Variants in NUP153 observed in about 807,000 individuals in gnomAD.
NUP153 encodes nuclear pore complex protein Nup153.
A neutral mutation model predicts 134.6 loss-of-function variants in NUP153; 27 were observed. The ratio of observed to expected loss-of-function variants is 0.20; its 90% confidence interval spans 0.15 to 0.28. NUP153 has a LOEUF of 0.28. NUP153 is among the 10% of genes least tolerant of loss of function. The pLI is 1.00. For missense variants in NUP153, 1,821 were observed against 1,731.3 expected, an observed-to-expected ratio of 1.05 and a Z score of -0.92; for synonymous variants, 640 against 623.5, an observed-to-expected ratio of 1.03 and a Z score of -0.40.
rs948304898 is a variant in NUP153 at position 17,706,043 on chromosome 6, CAG to C, written c.111+232_111+233del. 1.1e-4 allele frequency among the ~76,000 whole-genome samples: 16 copies of C among 152,324 alleles called. No individual in the cohort carries two copies. The highest frequency in any genetic ancestry group is 3.6e-4 in the African/African-American group (15 of 41,578). On this transcript the variant is annotated intron_variant, in intron 1 of 21. Transcript: ENST00000262077. The surrounding 1 kb of genome is among the most constrained non-coding windows in gnomAD (Gnocchi z 5.9). The stretch of plus-strand genomic sequence containing the variant: ...AGCCTGCCTGGGAAAGCCCCTGACC[CAG>C]AGAGTTGGGGGAAAGGCGGCCCAAA...
Position 17,681,205 on chromosome 6 carries a change from C to CA in NUP153, c.335-5436dup, listed in dbSNP as rs1224240141. ...AACTATCACATGTTCTCAAATGTGACAGCTTTAAAAAAAAAAAACGGACTC... is the reference window on the plus strand; with the variant it reads ...AACTATCACATGTTCTCAAATGTGACAAGCTTTAAAAAAAAAAAACGGACTC... On this transcript the variant is annotated intron_variant, in intron 2 of 21. Coordinates refer to ENST00000262077, the MANE Select transcript of NUP153 (RefSeq NM_005124.4). Among the ~76,000 whole-genome samples, 3 of 140,128 alleles carry CA rather than the reference C, an allele frequency of 2.1e-5. 1 individual carries two copies. In the East Asian group the frequency reaches 6.4e-4, roughly 30 times the overall value. The allele number at this position is 140,128 out of a possible 152,430, so 91.9% of individuals were successfully genotyped here. A position where few individuals can be genotyped will look rare whatever the true frequency, so the allele number is the denominator to read the frequency against.
At chr6:17,623,109 G>A in intron 20 of NUP153, among the ~76,000 whole-genome samples, 1 of 144,748 alleles carries the variant, frequency 6.9e-6, no homozygotes, top group Non-Finnish European at 1.5e-5. Context: ...CAGCATGGGC[G>A]ACACAGTGAG....
In NUP153 at chr6:17,628,610, TAAA is replaced by T; in HGVS notation, c.3544+42_3544+44del. On this transcript the variant is annotated intron_variant, in intron 18 of 21. Transcript: ENST00000262077. The surrounding 1 kb of genome is among the most constrained non-coding windows in gnomAD (Gnocchi z 5.4). ...AGGCAACTTGTAAAACGACAACTTG[TAAA>T]AAAAAAAATAATAATAATAATAATA... The T allele has an allele frequency of 2.1e-6, 2 of 932,464 alleles. No individual in the cohort carries two copies. Among genetic ancestry groups the T allele is most frequent in the Non-Finnish European group, 2.7e-6 (2 of 733,474 alleles). 57.8% of individuals were successfully genotyped at this position (932,464 alleles called of 1,614,324 possible). A position where few individuals can be genotyped will look rare whatever the true frequency, so the allele number is the denominator to read the frequency against.
At chr6:17,630,959 T>G (rs1391204897) in intron 17 of NUP153, among the ~76,000 whole-genome samples, 1 of 152,118 alleles carries the variant, frequency 6.6e-6, no homozygotes, top group Non-Finnish European at 1.5e-5. Context: ...CTAAGATACT[T>G]AAAAGTATGG....
At chr6:17,673,034 TAC>T (rs1185436569) in intron 5 of NUP153, among the ~76,000 whole-genome samples, 3 of 151,892 alleles carry the variant, frequency 2.0e-5, no homozygotes, top group Non-Finnish European at 4.4e-5. Context: ...CCATTAAGAA[TAC>T]ACACACACGC....
chr6:17,632,105 C>A (rs1270963675), intron 17 of NUP153, among the ~76,000 whole-genome samples: 1 of 152,072 alleles, frequency 6.6e-6, no homozygotes, highest in Non-Finnish European at 1.5e-5. Context: ...CAGCCTGTAT[C>A]GCTTTTAATT....
chr6:17,656,105 T>A (rs1214752432), intron 11 of NUP153, among the ~76,000 whole-genome samples: 1 of 150,648 alleles, frequency 6.6e-6, no homozygotes, highest in South Asian at 2.1e-4. Context: ...CTCAGGAGGC[T>A]GAGGCAGGAG....
chr6:17,688,495 G>T lies in NUP153; in HGVS notation c.235C>A (p.Pro79Thr). 6.2e-7 allele frequency: 1 copy of T among 1,613,974 alleles called. No individual in the cohort carries two copies. Residue 79 changes from proline to threonine, a missense_variant, in exon 2 of 22, where the codon CCA becomes ACA. Physicochemically the swap from Pro to Thr is conservative, Grantham distance 38 (BLOSUM62 -1). Coordinates refer to ENST00000262077, the MANE Select transcript of NUP153 (RefSeq NM_005124.4). ...STDTSEVPRWPENKEDHLVYA... is the reference protein window; with the variant it reads ...STDTSEVPRWTENKEDHLVYA... ...ACCAGATGGTCCTCTTTATTTTCTG[G>T]CCAGCGTGGAACCTCGCTTGTGTCT...
chr6:17,632,891 A>T, intron 16 of NUP153, 47 bp from the exon 17 acceptor site: 2 of 1,442,560 alleles, frequency 1.4e-6, no homozygotes, highest in Non-Finnish European at 1.8e-6. Context: ...TTTCATGAAA[A>T]TTTTAATTTA....
At position 17,628,285 on chromosome 6, in the gene NUP153, C is replaced by T. The variant is rs1291705290; in HGVS notation, c.3544+370G>A. 6.6e-6 allele frequency among the ~76,000 whole-genome samples: 1 copy of T among 152,040 alleles called. No homozygotes were observed. The highest frequency in any genetic ancestry group is 2.4e-5 in the African/African-American group (1 of 41,372). On this transcript the variant is annotated intron_variant, in intron 18 of 21. Transcript: ENST00000262077. This position sits in a 1 kb window ranked among gnomAD's most constrained non-coding sequence, Gnocchi z 5.4. Reference sequence around the variant, plus strand: ...TCTGTAACTATTTGTAAATAAAGGCCTTCCCATAGATTATGGTAGAAAATA... The same window carrying T: ...TCTGTAACTATTTGTAAATAAAGGCTTTCCCATAGATTATGGTAGAAAATA...
At chr6:17,661,388 T>C (rs10447411) in intron 11 of NUP153, among the ~76,000 whole-genome samples, 37,770 of 152,064 alleles carry the variant, frequency 0.25, 5,054 homozygotes, top group Non-Finnish European at 0.29. Flanking sequence ...CAGACAAAAC[T>C]ATACAGTAAT....
At chr6:17,640,117 C>A in intron 14 of NUP153, 53 bp from the exon 15 acceptor site, 1 of 1,323,242 alleles carries the variant, frequency 7.6e-7, no homozygotes, top group Non-Finnish European at 1.0e-6. Flanking sequence ...ACTGGACTCT[C>A]AAATGCATTT....
In NUP153 at chr6:17,625,324, C is replaced by G. The variant is rs985558793; in HGVS notation, c.3901+484G>C. Among the ~76,000 whole-genome samples the G allele has an allele frequency of 1.3e-5, 2 of 152,064 alleles. No individual in the cohort carries two copies. Among genetic ancestry groups the G allele is most frequent in the Non-Finnish European group, 2.9e-5 (2 of 67,996 alleles). On this transcript the variant is annotated intron_variant, in intron 19 of 21. Transcript: ENST00000262077. This position sits in a 1 kb window ranked among gnomAD's most constrained non-coding sequence, Gnocchi z 4.7. ...GGCCGAGGCGGGCAAATCATGAGGT[C>G]AGGAATTCGAGCCTGGCCAACATGG...
Position 17,616,678 on chromosome 6 carries a change from C to A in NUP153, c.4192G>T (p.Gly1398Cys), listed in dbSNP as rs369751640. The A allele has an allele frequency of 6.2e-7, 1 of 1,612,516 alleles. No individual in the cohort carries two copies. The highest frequency in any genetic ancestry group is 8.5e-7 in the Non-Finnish European group (1 of 1,179,014). ...AAGTTGAAATTTGTAGTGCTGCTGC[C>A]AAACTGGAAAGCCGAACCTGCAATA... is the stretch of plus-strand genomic sequence containing the variant. ...TPNSSSAFQF[G>C]SSTTNFNFTN... The change falls in exon 21 of 22, where the codon GGC becomes TGC. Residue 1398 changes from glycine (G) to cysteine (C), a missense_variant. Transcript: ENST00000262077.
intron 14 of NUP153, among the ~76,000 whole-genome samples, chr6:17,644,331 A>C (rs1766022659): frequency 6.6e-6 from 1 of 152,130 alleles, no homozygotes; most frequent in Non-Finnish European, 1.5e-5. Flanking sequence ...AGCACTCACC[A>C]CACTGCTATC....
rs368579036 is a variant in NUP153 at position 17,674,915 on chromosome 6, G to T, written c.842C>A (p.Thr281Lys). ...AAVRQSKLRN[T>K]PYQAPVRRQM... ...TCTATTGGAACCTACCTGATAAGGT[G>T]TATTTCGTAGTTTAGACTGTCTTAC... is the stretch of plus-strand genomic sequence containing the variant. Residue 281 changes from threonine to lysine, a missense_variant, in exon 5 of 22, where the codon ACA becomes AAA. Coordinates refer to ENST00000262077, the MANE Select transcript of NUP153 (RefSeq NM_005124.4). 8 of 1,607,694 alleles carry T rather than the reference G, an allele frequency of 5.0e-6. No individual in the cohort carries two copies. Among genetic ancestry groups the T allele is most frequent in the South Asian group, 2.2e-5 (2 of 89,816 alleles).
rs1280324734 is a variant in NUP153, at chr6:17,637,284, G to C, written c.2333C>G (p.Thr778Ser). 6.2e-7 allele frequency: 1 copy of C among 1,614,200 alleles called. No homozygotes were observed. Among genetic ancestry groups the C allele is most frequent in the East Asian group, 2.2e-5 (1 of 44,884 alleles). ...AAATCCTAAGGTACCAGTGGTTACA[G>C]TGCAGCTGGAAGATGAAGCAGTCAT... ...ETMTASSSSC[T>S]VTTGTLGFGD... The change falls in exon 16 of 22, where the codon ACT becomes AGT. Residue 778 changes from threonine (T) to serine (S), a missense_variant. Physicochemically the swap from Thr to Ser is moderately conservative, Grantham distance 58. Transcript: ENST00000262077.
chr6:17,625,737 T>C lies in NUP153; in HGVS notation c.3901+71A>G. 2 of 1,167,262 alleles carry C rather than the reference T, an allele frequency of 1.7e-6. No individual in the cohort carries two copies. The highest frequency in any genetic ancestry group is 1.4e-5 in the South Asian group (1 of 72,878). The allele number at this position is 1,167,262 out of a possible 1,614,324, so 72.3% of individuals were successfully genotyped here. On this transcript the variant is annotated intron_variant, in intron 19 of 21. Coordinates refer to ENST00000262077, the MANE Select transcript of NUP153 (RefSeq NM_005124.4). This position sits in a 1 kb window ranked among gnomAD's most constrained non-coding sequence, Gnocchi z 4.7. ...TTTGTGATAACCTGCTATATGATAT[T>C]CGCTAAGAACTGACACACTAATAAG... is the stretch of plus-strand genomic sequence containing the variant.
chr6:17,632,143 G>T (rs1765286519), intron 17 of NUP153, among the ~76,000 whole-genome samples: 1 of 151,528 alleles, frequency 6.6e-6, no homozygotes, highest in African/African-American at 2.4e-5. Context: ...TCAAATAAAA[G>T]TCAGTAAGTT....
Sources: allele counts gnomAD v4.1 joint callset (sites outside exome capture counted in the v4.1 genomes callset), GRCh38; gene constraint gnomAD v4.1.1; non-coding constraint Gnocchi (gnomAD v3.1); transcripts MANE v1.5; gene names NCBI Gene and HGNC (gene_info 2026-07-23, HGNC 2026-07-21).